The following ROBO2 variants were observed in gnomAD, a reference collection of about 807,000 sequenced individuals.
ROBO2 encodes roundabout guidance receptor 2.
A neutral mutation model predicts 160.8 loss-of-function variants in ROBO2; 53 were observed. The observed-to-expected ratio is 0.33, with a 90% CI of 0.26 to 0.41. The LOEUF (loss-of-function observed/expected upper bound fraction) is 0.41. Ranked by LOEUF, ROBO2 falls within the 10% of genes least tolerant of loss-of-function variation. The pLI is 1.00. For missense variants in ROBO2, 1,577 were observed against 1,722.4 expected (o/e 0.92, Z 1.49); for synonymous variants, 664 against 611.7 (o/e 1.09, Z -1.26).
chr3:76,178,835 G>A (rs577215319), intron 2 of ROBO2, among the ~76,000 whole-genome samples: 54 of 152,168 alleles, frequency 3.5e-4, no homozygotes, highest in African/African-American at 1.2e-3. Flanking sequence ...CAGCTACTCC[G>A]GAGGCTGAAG....
In ROBO2 at chr3:77,435,275, C is replaced by A. The variant is rs560401512; in HGVS notation, c.389-42139C>A. Reference sequence around the variant, plus strand: ...CTCCATGAATCTGTTTATTTTCTTTCCATATCAGAGATTGTAGACGAAAAA... The same window carrying A: ...CTCCATGAATCTGTTTATTTTCTTTACATATCAGAGATTGTAGACGAAAAA... On this transcript the variant is annotated intron_variant, in intron 2 of 25. Coordinates refer to ENST00000461745, the Ensembl canonical transcript of ROBO2. Among the ~76,000 whole-genome samples the A allele has an allele frequency of 4.6e-5, 7 of 151,726 alleles. No homozygotes were observed. In the South Asian group the frequency reaches 1.2e-3, roughly 27 times the overall value.
At chr3:76,992,828 T>A (rs1239660337) in intron 2 of ROBO2, among the ~76,000 whole-genome samples, 1 of 151,754 alleles carries the variant, frequency 6.6e-6, no homozygotes, top group Non-Finnish European at 1.5e-5. Context: ...ACTTTTTTAA[T>A]TTTTTTTGAG....
chr3:76,989,422 TAATA>T (rs1335940426), intron 2 of ROBO2, among the ~76,000 whole-genome samples: 1 of 152,130 alleles, frequency 6.6e-6, no homozygotes, highest in Admixed American at 6.6e-5. Flanking sequence ...CATAATATGA[TAATA>T]AAAGTATGTA....
intron 2 of ROBO2, among the ~76,000 whole-genome samples, chr3:76,149,922 G>A (rs1252942059): frequency 7.6e-5 from 11 of 144,760 alleles, no homozygotes; most frequent in African/African-American, 2.6e-4. Context: ...TCTGTCTAAA[G>A]CACACATCTG....
chr3:77,127,574 A>G (rs1353791483), intron 2 of ROBO2, among the ~76,000 whole-genome samples: 1 of 152,138 alleles, frequency 6.6e-6, no homozygotes, highest in African/African-American at 2.4e-5. Flanking sequence ...TTCTCAAAAG[A>G]AGATTTTCAT....
chr3:77,136,882 G>A (rs72891545), intron 2 of ROBO2, among the ~76,000 whole-genome samples: 14,500 of 151,952 alleles, frequency 0.095, 1,697 homozygotes, highest in African/African-American at 0.27. Flanking sequence ...TGATCCGCCC[G>A]CCTCGGCCTT....
chr3:76,036,206 G>T (rs895427600), intron 2 of ROBO2, among the ~76,000 whole-genome samples: 3 of 151,850 alleles, frequency 2.0e-5, no homozygotes, highest in African/African-American at 7.3e-5. Context: ...CTGGAGTGCA[G>T]TGGAGTGATC....
intron 1 of ROBO2, among the ~76,000 whole-genome samples, chr3:77,050,469 A>G (rs758069689): frequency 2.0e-5 from 3 of 152,152 alleles, no homozygotes; most frequent in Non-Finnish European, 2.9e-5. Flanking sequence ...TAAAAAGAAA[A>G]TGCCATTTCT....
intron 2 of ROBO2, among the ~76,000 whole-genome samples, chr3:76,521,638 G>A (rs1029622308): frequency 3.9e-5 from 6 of 152,082 alleles, no homozygotes; most frequent in Admixed American, 3.3e-4. Flanking sequence ...TTAAATATGG[G>A]TTAAATAATG....
At chr3:77,480,965 C>T in intron 3 of ROBO2, 134 bp from the exon 4 acceptor site, 2 of 750,200 alleles carry the variant, frequency 2.7e-6, no homozygotes, top group Non-Finnish European at 4.4e-6. Context: ...CCTGCAAATG[C>T]CAAAATAATG....
intron 2 of ROBO2, among the ~76,000 whole-genome samples, chr3:76,966,743 G>A (rs1365066071): frequency 6.6e-6 from 1 of 152,172 alleles, no homozygotes; most frequent in Non-Finnish European, 1.5e-5. Context: ...GCTAATAATA[G>A]AACTTCCATC....
intron 2 of ROBO2, among the ~76,000 whole-genome samples, chr3:76,137,380 G>T (rs2071469850): frequency 6.6e-6 from 1 of 151,966 alleles, no homozygotes; most frequent in Non-Finnish European, 1.5e-5. Flanking sequence ...CCCTTTCTAT[G>T]CCTGATGTTA....
At chr3:77,644,566 A>C in intron 24 of ROBO2, 138 bp from the exon 27 acceptor site, 1 of 791,900 alleles carries the variant, frequency 1.3e-6, no homozygotes, top group Non-Finnish European at 2.1e-6. Flanking sequence ...TCCGGTCCTG[A>C]TTAAACTTCA....
intron 2 of ROBO2, among the ~76,000 whole-genome samples, chr3:76,333,211 G>A (rs1442409681): frequency 1.3e-5 from 2 of 152,116 alleles, no homozygotes; most frequent in African/African-American, 2.4e-5. Flanking sequence ...CTTGAAGTTC[G>A]TAAATTGGAA....
At chr3:77,181,236 C>T (rs2080753033) in intron 2 of ROBO2, among the ~76,000 whole-genome samples, 1 of 152,066 alleles carries the variant, frequency 6.6e-6, no homozygotes, top group Non-Finnish European at 1.5e-5. Flanking sequence ...AGTGAATCCA[C>T]ACTAAACTCC....
At chr3:76,864,124 A>G (rs1164865905) in intron 2 of ROBO2, among the ~76,000 whole-genome samples, 1 of 152,080 alleles carries the variant, frequency 6.6e-6, no homozygotes, top group Non-Finnish European at 1.5e-5. Context: ...CTCATTTAGT[A>G]GGATCTGGGC....
At chr3:77,171,703 A>G (rs941485160) in intron 2 of ROBO2, among the ~76,000 whole-genome samples, 1 of 152,198 alleles carries the variant, frequency 6.6e-6, no homozygotes, top group Non-Finnish European at 1.5e-5. Flanking sequence ...GCATCATTTA[A>G]ATGGTGGAGT....
intron 2 of ROBO2, among the ~76,000 whole-genome samples, chr3:76,335,820 C>G (rs1294431077): frequency 6.6e-6 from 1 of 152,152 alleles, no homozygotes; most frequent in East Asian, 1.9e-4. Context: ...TTGTGATCCG[C>G]CCGCCTCGTC....
At chr3:76,682,856 T>C (rs2092598992) in intron 2 of ROBO2, among the ~76,000 whole-genome samples, 1 of 152,210 alleles carries the variant, frequency 6.6e-6, no homozygotes, top group Non-Finnish European at 1.5e-5. Flanking sequence ...TGAAGATATC[T>C]GCAGGACATT....
Sources: allele counts gnomAD v4.1 joint callset (sites outside exome capture counted in the v4.1 genomes callset), GRCh38; gene constraint gnomAD v4.1.1; transcripts MANE v1.5; gene names NCBI Gene and HGNC (gene_info 2026-07-23, HGNC 2026-07-21).